Variants in RIMBP2 observed in about 807,000 individuals in gnomAD.
RIMBP2 encodes the protein RIMS binding protein 2, also known as RIMS-binding protein 2.
In RIMBP2, 48 loss-of-function variants were observed where a neutral mutation model predicts 118.6. The observed-to-expected ratio is 0.40, with a 90% CI of 0.32 to 0.51. The LOEUF is 0.51. Among genes scored for constraint, RIMBP2 ranks in the 20% least tolerant of loss-of-function variants. The probability of loss-of-function intolerance (pLI) is 0.41; values close to 1 mark genes in which losing one functional copy is unlikely to be tolerated. For missense variants in RIMBP2, 1,551 were observed against 1,768.3 expected (o/e 0.88, Z 2.20); for synonymous variants, 762 against 742.9 (o/e 1.03, Z -0.42).
chr12:130,427,912 C>G, intron 15 of RIMBP2: 1 of 345,580 alleles, frequency 2.9e-6, no homozygotes, highest in Non-Finnish European at 5.2e-6. Flanking sequence ...CACTTCAGTT[C>G]CTGGCACAGA....
chr12:130,400,948 C>T (rs779471764), intron 21 of RIMBP2, among the ~76,000 whole-genome samples: 1 of 152,032 alleles, frequency 6.6e-6, no homozygotes, highest in Non-Finnish European at 1.5e-5. Flanking sequence ...TATGAAGAAA[C>T]GAATACTCGT....
chr12:130,701,091 GGTTTCCGT>G (rs1456605694), intron 1 of RIMBP2, among the ~76,000 whole-genome samples: 6 of 152,222 alleles, frequency 3.9e-5, no homozygotes, highest in Admixed American at 1.3e-4. Flanking sequence ...ACAAATACAA[GGTTTCCGT>G]GTGATTTCGA....
In RIMBP2 at chr12:130,539,575, T is replaced by C. The variant is rs149789222; in HGVS notation, c.-216-21658A>G. Among the ~76,000 whole-genome samples the C allele has an allele frequency of 4.3e-3, 615 of 144,414 alleles. 3 individuals are homozygous for C. Among genetic ancestry groups the C allele is most frequent in the African/African-American group, 0.015 (589 of 40,038 alleles). The allele number at this position is 144,414 out of a possible 152,430, so 94.7% of individuals were successfully genotyped here. ...TGTAGGATATGGCAAATGCAGTCGA[T>C]GGGGTGGCCAGGTGTAGGATATGGC... On this transcript the variant is annotated intron_variant, in intron 2 of 22. Transcript: ENST00000690449.
chr12:130,480,320 C>A (rs1474960165), intron 4 of RIMBP2, among the ~76,000 whole-genome samples: 1 of 152,014 alleles, frequency 6.6e-6, no homozygotes, highest in African/African-American at 2.4e-5. Flanking sequence ...GAAGAGTTGG[C>A]CACGCATGCC....
At position 130,412,680 on chromosome 12, in the gene RIMBP2, C is replaced by T. The variant is rs1409301424; in HGVS notation, c.3528G>A (p.Glu1176=). ...MVSEIQADDE[E]MMDQLLRQGF... is the part of the protein sequence containing the mutation. ...CCTGTCTAAGAAGCTGATCCATCAT[C>T]TCCTCATCATCTGCTTGTATCTCAG... is the stretch of plus-strand genomic sequence containing the variant. The change falls in exon 19 of 23, where the codon GAG becomes GAA. Residue 1176 remains glutamate (E), a synonymous_variant. Coordinates refer to ENST00000690449, the MANE Select transcript of RIMBP2 (RefSeq NM_001393629.1). 1 of 1,613,924 alleles carries T rather than the reference C, an allele frequency of 6.2e-7. No individual in the cohort carries two copies. Among genetic ancestry groups the T allele is most frequent in the Non-Finnish European group, 8.5e-7 (1 of 1,179,982 alleles).
chr12:130,676,213 C>T (rs1476829873), intron 1 of RIMBP2, among the ~76,000 whole-genome samples: 1 of 151,518 alleles, frequency 6.6e-6, no homozygotes, highest in Non-Finnish European at 1.5e-5. Context: ...AACTGGGACA[C>T]ACATGTGTTC....
rs2136873564 is a variant in RIMBP2 at position 130,427,965 on chromosome 12, TCCTTTA to T, written c.2412+208_2412+213del. On this transcript the variant is annotated intron_variant, in intron 15 of 22. Transcript: ENST00000690449. ...GGGTGCCAAATAGATTCCTCTAAACTCCTTTACCCAGACCTTTTGGCCAAGAGCAAG... is the reference window on the plus strand; with the variant it reads ...GGGTGCCAAATAGATTCCTCTAAACTCCCAGACCTTTTGGCCAAGAGCAAG... The T allele has an allele frequency of 6.6e-6, 3 of 455,774 alleles. No homozygotes were observed. In the South Asian group the frequency reaches 1.6e-4, roughly 24 times the overall value. 28.2% of individuals were successfully genotyped at this position (455,774 alleles called of 1,614,324 possible). A position where few individuals can be genotyped will look rare whatever the true frequency, so the allele number is the denominator to read the frequency against.
chr12:130,495,142 A>G (rs1424514385), intron 4 of RIMBP2, among the ~76,000 whole-genome samples: 1 of 152,218 alleles, frequency 6.6e-6, no homozygotes, highest in East Asian at 1.9e-4. Context: ...TCATTTTCAA[A>G]TAAGGTCATA....
At chr12:130,557,863 C>T (rs185250358) in intron 2 of RIMBP2, among the ~76,000 whole-genome samples, 80 of 152,268 alleles carry the variant, frequency 5.3e-4, no homozygotes, top group African/African-American at 1.9e-3. Context: ...GGGGTCAAAG[C>T]GCCTTGCTCC....
chr12:130,556,860 T>C (rs1175570667), intron 2 of RIMBP2, among the ~76,000 whole-genome samples: 1 of 152,100 alleles, frequency 6.6e-6, no homozygotes, highest in African/African-American at 2.4e-5. Flanking sequence ...ACCGGGCCAG[T>C]GAGCAAGTGA....
chr12:130,585,414 G>A (rs113239396), intron 2 of RIMBP2, among the ~76,000 whole-genome samples: 1 of 152,224 alleles, frequency 6.6e-6, no homozygotes, highest in African/African-American at 2.4e-5. Context: ...GGTCTACTCA[G>A]TATTAGCACA....
intron 1 of RIMBP2, among the ~76,000 whole-genome samples, chr12:130,709,732 C>A (rs1195592): frequency 2.0e-5 from 3 of 151,722 alleles, no homozygotes; most frequent in East Asian, 3.9e-4. Flanking sequence ...AAACCCCCCC[C>A]CTTCCCACCC....
At chr12:130,599,517 G>A (rs1180281403) in intron 2 of RIMBP2, among the ~76,000 whole-genome samples, 6 of 152,154 alleles carry the variant, frequency 3.9e-5, no homozygotes, top group Non-Finnish European at 7.3e-5. Flanking sequence ...ATGAGCAATA[G>A]CATTAGTCAC....
rs66498430 is a variant in RIMBP2, at chr12:130,446,024, C to CCG, written c.582-756_582-755insCG. On this transcript the variant is annotated intron_variant, in intron 9 of 22. Transcript: ENST00000690449. This position sits in a 1 kb window ranked among gnomAD's most constrained non-coding sequence, Gnocchi z 4.1. ...ACAGACGCATGATTTTATGCTCCCCCCCCCCACACCCCCAGGAATATAAGA... is the reference window on the plus strand; with the variant it reads ...ACAGACGCATGATTTTATGCTCCCCCCGCCCCCACACCCCCAGGAATATAAGA... 1.3e-5 allele frequency among the ~76,000 whole-genome samples: 1 copy of CCG among 76,078 alleles called. No individual in the cohort carries two copies. The highest frequency in any genetic ancestry group is 3.6e-5 in the Non-Finnish European group (1 of 27,836). The allele number at this position is 76,078 out of a possible 152,430, so 49.9% of individuals were successfully genotyped here.
chr12:130,713,051 G>A (rs1455072785), intron 1 of RIMBP2, among the ~76,000 whole-genome samples: 3 of 151,426 alleles, frequency 2.0e-5, no homozygotes, highest in African/African-American at 7.3e-5. Context: ...GGGAGAGGAG[G>A]AATGAGGGAG....
intron 2 of RIMBP2, among the ~76,000 whole-genome samples, chr12:130,570,592 G>A (rs140659941): frequency 7.2e-5 from 11 of 152,248 alleles, no homozygotes; most frequent in South Asian, 2.1e-4. Context: ...GACTGCCTGC[G>A]CGACACCTGC....
At position 130,648,953 on chromosome 12, in the gene RIMBP2, G is replaced by A. The variant is rs920829800; in HGVS notation, c.-351-20497C>T. Among the ~76,000 whole-genome samples the A allele has an allele frequency of 3.4e-5, 5 of 146,002 alleles. 2 individuals carry two copies. The highest frequency in any genetic ancestry group is 7.3e-5 in the African/African-American group (3 of 40,896). On this transcript the variant is annotated intron_variant, in intron 1 of 22. Coordinates refer to ENST00000690449, the MANE Select transcript of RIMBP2 (RefSeq NM_001393629.1). ...TTCCAGGCGTGAGCCGCCGAGAAAC[G>A]GATCGCACATGGTAATTTTTGCAGC... is the stretch of plus-strand genomic sequence containing the variant.
At chr12:130,698,199 G>T (rs1356425237) in intron 1 of RIMBP2, among the ~76,000 whole-genome samples, 1 of 152,144 alleles carries the variant, frequency 6.6e-6, no homozygotes, top group Non-Finnish European at 1.5e-5. Context: ...AGAAGGCGTG[G>T]GCCACAGAGC....
intron 9 of RIMBP2, among the ~76,000 whole-genome samples, chr12:130,449,100 T>G (rs911760920): frequency 5.3e-5 from 8 of 152,230 alleles, no homozygotes; most frequent in Non-Finnish European, 7.3e-5. Context: ...GGCAGGGATA[T>G]CTGCCTTTGA....
Sources: allele counts gnomAD v4.1 joint callset (sites outside exome capture counted in the v4.1 genomes callset), GRCh38; gene constraint gnomAD v4.1.1; non-coding constraint Gnocchi (gnomAD v3.1); transcripts MANE v1.5; gene names NCBI Gene and HGNC (gene_info 2026-07-23, HGNC 2026-07-21).